RNFT2: variants seen among roughly 807,000 people sequenced by gnomAD.
RNFT2 encodes the protein E3 ubiquitin-protein ligase RNFT2.
A neutral mutation model predicts 53.0 loss-of-function variants in RNFT2; 36 were observed. That is an observed-to-expected ratio of 0.68 (90% CI 0.52 to 0.90). The LOEUF (loss-of-function observed/expected upper bound fraction) is 0.90. Among genes scored for constraint, RNFT2 ranks in the 40% least tolerant of loss-of-function variants. RNFT2 has a pLI of 0.00. For synonymous variants in RNFT2, 260 were observed against 253.2 expected, an observed-to-expected ratio of 1.03 and a Z score of -0.26; for missense variants, 514 against 585.6, an observed-to-expected ratio of 0.88 and a Z score of 1.26.
chr12:116,749,939 C>T lies in RNFT2; in HGVS notation c.182C>T (p.Ser61Leu), dbSNP rs372970198. Reference sequence around the variant, plus strand: ...GCAGCCTCCCCACCAGCGCTCTTCTCGGGCTTATCAGGCAGCCTCCCCACC... The same window carrying T: ...GCAGCCTCCCCACCAGCGCTCTTCTTGGGCTTATCAGGCAGCCTCCCCACC... ...AEAASPPALF[S>L]GLSGSLPTSS... Residue 61 changes from serine to leucine, a missense_variant, in exon 4 of 11, where the codon TCG becomes TTG. Physicochemically the swap from Ser to Leu is moderately radical, Grantham distance 145. This residue lies in a region of RNFT2 where 237 missense variants were observed against 235.1 expected (regional missense o/e 1.01). Coordinates refer to ENST00000257575, the MANE Select transcript of RNFT2 (RefSeq NM_001382266.1). 5.1e-6 allele frequency: 8 copies of T among 1,574,978 alleles called. No individual in the cohort carries two copies. The highest frequency in any genetic ancestry group is 1.7e-4 in the Middle Eastern group (1 of 6,030).
chr12:116,749,190 G>A (rs1219883391), intron 3 of RNFT2, among the ~76,000 whole-genome samples: 2 of 152,022 alleles, frequency 1.3e-5, no homozygotes, highest in African/African-American at 2.4e-5. Context: ...TCTTTCTGAG[G>A]CCTCTCTCCT....
At chr12:116,820,543 G>A (rs1875960716) in intron 7 of RNFT2, among the ~76,000 whole-genome samples, 2 of 152,050 alleles carry the variant, frequency 1.3e-5, no homozygotes, top group African/African-American at 4.8e-5. Context: ...CCCCACCAGG[G>A]GTACCCATTA....
At chr12:116,772,903 A>G (rs1873265326) in intron 6 of RNFT2, among the ~76,000 whole-genome samples, 1 of 152,094 alleles carries the variant, frequency 6.6e-6, no homozygotes, top group African/African-American at 2.4e-5. Context: ...ATCTCAGCTC[A>G]CTGTAACCTC....
intron 7 of RNFT2, among the ~76,000 whole-genome samples, chr12:116,814,572 A>G (rs1565868242): frequency 6.6e-6 from 1 of 152,130 alleles, no homozygotes; most frequent in African/African-American, 2.4e-5. Flanking sequence ...AGGAGCAATG[A>G]GCCTGTGTGG....
At chr12:116,810,976 G>C (rs149678735) in intron 7 of RNFT2, among the ~76,000 whole-genome samples, 10 of 152,340 alleles carry the variant, frequency 6.6e-5, no homozygotes, top group Non-Finnish European at 1.3e-4. Flanking sequence ...AGAGTGGATT[G>C]GAAAGAGCTT....
chr12:116,784,608 C>A (rs1873850686), intron 7 of RNFT2, among the ~76,000 whole-genome samples: 1 of 152,196 alleles, frequency 6.6e-6, no homozygotes, highest in Non-Finnish European at 1.5e-5. Flanking sequence ...GCCTGGGCTT[C>A]TTCTCATTGT....
In RNFT2 at chr12:116,738,375, A is replaced by T. The variant is rs1871415663; in HGVS notation, c.-154+5A>T. On this transcript the variant is annotated splice_donor_5th_base_variant and intron_variant, in intron 1 of 10. Coordinates refer to ENST00000257575, the MANE Select transcript of RNFT2 (RefSeq NM_001382266.1). ...ATTGCTGAATTGTCTGGGCAGGTAA[A>T]AAGAGAACGCGATTTTTTTTTCTTT... 7.4e-6 allele frequency: 1 copy of T among 135,042 alleles called. No individual in the cohort carries two copies. Among genetic ancestry groups the T allele is most frequent in the African/African-American group, 2.6e-5 (1 of 39,170 alleles). The allele number at this position is 135,042 out of a possible 1,614,324, so 8.4% of individuals were successfully genotyped here.
At chr12:116,808,748 T>C (rs1454160151) in intron 7 of RNFT2, among the ~76,000 whole-genome samples, 2 of 152,228 alleles carry the variant, frequency 1.3e-5, no homozygotes, top group African/African-American at 4.8e-5. Flanking sequence ...TTGTTTTTAA[T>C]GGCAAACGGC....
At chr12:116,826,351 G>A (rs751682699) in intron 7 of RNFT2, among the ~76,000 whole-genome samples, 3 of 151,928 alleles carry the variant, frequency 2.0e-5, no homozygotes, top group Non-Finnish European at 4.4e-5. Flanking sequence ...GCCCAAGCAC[G>A]TCCTGCAACA....
chr12:116,797,660 G>A (rs575956851), intron 7 of RNFT2, among the ~76,000 whole-genome samples: 7 of 152,202 alleles, frequency 4.6e-5, no homozygotes, highest in Non-Finnish European at 1.0e-4. Flanking sequence ...TCAAGGGTGA[G>A]CCAGTGGTAG....
intron 7 of RNFT2, among the ~76,000 whole-genome samples, chr12:116,786,411 G>A (rs550452335): frequency 7.0e-4 from 107 of 152,192 alleles, no homozygotes; most frequent in South Asian, 1.9e-3. Flanking sequence ...GCGCCCGGCC[G>A]AGATCGGGTA....
At chr12:116,817,601 A>G (rs1192488092) in intron 7 of RNFT2, among the ~76,000 whole-genome samples, 1 of 152,248 alleles carries the variant, frequency 6.6e-6, no homozygotes, top group African/African-American at 2.4e-5. Flanking sequence ...ACTGATTGGG[A>G]AACCAGAATG....
rs77793538 is a variant in RNFT2 at position 116,849,415 on chromosome 12, C to T, written c.1302C>T (p.Asp434=). 7.4e-4 allele frequency: 1,169 copies of T among 1,587,038 alleles called. 27 individuals are homozygous for T. In the East Asian group the frequency reaches 0.026, roughly 36 times the overall value. Residue 434 remains aspartate (D), a synonymous_variant, in exon 11 of 11, where the codon GAC becomes GAT. Coordinates refer to ENST00000257575, the MANE Select transcript of RNFT2 (RefSeq NM_001382266.1). ...VAVDTLRCWK[D]GATSAHFQVY is the part of the protein sequence containing the mutation. ...TGGACACCCTGCGCTGCTGGAAGGA[C>T]GGCGCCACGTCCGCACACTTCCAGG...
intron 7 of RNFT2, among the ~76,000 whole-genome samples, chr12:116,784,772 T>C (rs546391680): frequency 1.3e-5 from 2 of 152,280 alleles, no homozygotes; most frequent in African/African-American, 4.8e-5. Flanking sequence ...GAGCCCATCC[T>C]CCTTCTATAT....
intron 7 of RNFT2, among the ~76,000 whole-genome samples, chr12:116,816,209 G>A (rs889285766): frequency 6.6e-6 from 1 of 152,208 alleles, no homozygotes; most frequent in Non-Finnish European, 1.5e-5. Context: ...CTGGGGAGCA[G>A]GGCCCTGTGT....
intron 3 of RNFT2, among the ~76,000 whole-genome samples, chr12:116,747,337 T>C (rs1428763786): frequency 2.0e-5 from 3 of 152,206 alleles, no homozygotes; most frequent in Admixed American, 2.0e-4. Context: ...ATTATAGGCG[T>C]GAGCCACCAT....
chr12:116,832,148 A>AAAAATATATATATATATAT (rs1555209702), intron 7 of RNFT2, among the ~76,000 whole-genome samples: 3 of 55,170 alleles, frequency 5.4e-5, no homozygotes, highest in African/African-American at 2.1e-4. Flanking sequence ...AAAAAAAAAA[A>AAAAATATATATATATATAT]ATATATATAT....
At chr12:116,801,089 G>A (rs1314679392) in intron 7 of RNFT2, 1 of 152,160 alleles carries the variant, frequency 6.6e-6, no homozygotes, top group Non-Finnish European at 1.5e-5. Context: ...GAAGGGAGGT[G>A]CTGTTATTGT....
intron 3 of RNFT2, among the ~76,000 whole-genome samples, chr12:116,748,895 C>T (rs150119308): frequency 1.1e-3 from 166 of 152,302 alleles, no homozygotes; most frequent in African/African-American, 3.7e-3. Flanking sequence ...CTTTCTCTCT[C>T]TGAGCCTCCA....
Sources: gnomAD v4.1 joint callset for allele counts (sites outside exome capture counted in the v4.1 genomes callset) on GRCh38, gnomAD v4.1.1 for gene constraint, gnomAD v4.1.1 regional missense constraint, MANE v1.5 for transcripts, NCBI Gene and HGNC (gene_info 2026-07-23, HGNC 2026-07-21) for gene names.